Variants in EIF2B3 observed in about 807,000 individuals in gnomAD.
EIF2B3 encodes eukaryotic translation initiation factor 2B subunit gamma.
EIF2B3 carries 20 observed loss-of-function variants against 54.1 expected under a neutral mutation model. The observed-to-expected ratio is 0.37, with a 90% CI of 0.26 to 0.54. EIF2B3 has a LOEUF of 0.54. Ranked by LOEUF, EIF2B3 falls within the 20% of genes least tolerant of loss-of-function variation. EIF2B3 has a pLI of 0.86. For synonymous variants in EIF2B3, 153 were observed against 188.1 expected, an observed-to-expected ratio of 0.81 and a Z score of 1.52; for missense variants, 448 against 547.8, an observed-to-expected ratio of 0.82 and a Z score of 1.82.
At chr1:44,942,602 A>G (rs930331483) in intron 3 of EIF2B3, among the ~76,000 whole-genome samples, 1 of 145,458 alleles carries the variant, frequency 6.9e-6, no homozygotes, top group African/African-American at 2.5e-5. Flanking sequence ...TAATTTTTAC[A>G]TTTTTTGTAG....
chr1:44,951,954 A>ATTTTTTTTTTTTTTTTTTTTTTTTT lies in EIF2B3; in HGVS notation c.295-10314_295-10290dup, dbSNP rs1171020644. Reference sequence around the variant, plus strand: ...AGGGGCGCACCACCATGCCTGGCTAATTTTTTTTTTTTTTTTTTTTTTTTT... The same window carrying ATTTTTTTTTTTTTTTTTTTTTTTTT: ...AGGGGCGCACCACCATGCCTGGCTAATTTTTTTTTTTTTTTTTTTTTTTTTTTTTTTTTTTTTTTTTTTTTTTTTT... On this transcript the variant is annotated intron_variant, in intron 3 of 11. Coordinates refer to ENST00000360403, the MANE Select transcript of EIF2B3 (RefSeq NM_020365.5). 6.7e-5 allele frequency among the ~76,000 whole-genome samples: 3 copies of ATTTTTTTTTTTTTTTTTTTTTTTTT among 44,652 alleles called. 1 individual carries two copies. Among genetic ancestry groups the ATTTTTTTTTTTTTTTTTTTTTTTTT allele is most frequent in the Non-Finnish European group, 1.1e-4 (3 of 27,888 alleles). The allele number at this position is 44,652 out of a possible 152,430, so 29.3% of individuals were successfully genotyped here.
intron 4 of EIF2B3, among the ~76,000 whole-genome samples, chr1:44,933,196 G>C (rs746629505): frequency 7.2e-5 from 11 of 151,832 alleles, no homozygotes; most frequent in Non-Finnish European, 1.2e-4. Context: ...ACAATCTTTA[G>C]GAAAACAAAA....
At chr1:44,940,031 T>C (rs947694982) in intron 4 of EIF2B3, among the ~76,000 whole-genome samples, 1 of 152,100 alleles carries the variant, frequency 6.6e-6, no homozygotes, top group Non-Finnish European at 1.5e-5. Flanking sequence ...ATAACAATAA[T>C]GTAGAAAAAG....
chr1:44,961,200 G>C (rs1246194943), intron 3 of EIF2B3, among the ~76,000 whole-genome samples: 1 of 151,398 alleles, frequency 6.6e-6, no homozygotes, highest in Non-Finnish European at 1.5e-5. Flanking sequence ...TCAGCTGGGA[G>C]TGGTGGTGAG....
chr1:44,857,299 G>A (rs1654463137), intron 11 of EIF2B3, among the ~76,000 whole-genome samples: 1 of 152,192 alleles, frequency 6.6e-6, no homozygotes, highest in Non-Finnish European at 1.5e-5. Context: ...GGAGGCTGAG[G>A]TGGGCAGTTC....
At chr1:44,898,656 T>C (rs893158727) in intron 5 of EIF2B3, among the ~76,000 whole-genome samples, 2 of 152,172 alleles carry the variant, frequency 1.3e-5, no homozygotes, top group African/African-American at 4.8e-5. Context: ...TCTGTGTTGC[T>C]TGGCTTCGAC....
chr1:44,915,262 T>G (rs1643599035), intron 5 of EIF2B3, among the ~76,000 whole-genome samples: 1 of 151,558 alleles, frequency 6.6e-6, no homozygotes, highest in Non-Finnish European at 1.5e-5. Flanking sequence ...ATTGTGCCGC[T>G]GCACTCCAGT....
intron 4 of EIF2B3, among the ~76,000 whole-genome samples, chr1:44,931,864 C>T (rs1643899482): frequency 6.6e-6 from 1 of 152,216 alleles, no homozygotes; most frequent in African/African-American, 2.4e-5. Context: ...CGCCTATAAT[C>T]CCAGCACTTT....
At chr1:44,942,088 G>A (rs1396539840) in intron 3 of EIF2B3, among the ~76,000 whole-genome samples, 1 of 151,828 alleles carries the variant, frequency 6.6e-6, no homozygotes, top group African/African-American at 2.4e-5. Flanking sequence ...GGAAATAACA[G>A]GATGAACAGA....
At chr1:44,880,090 GT>G in intron 7 of EIF2B3, 82 bp from the exon 8 acceptor site, 1 of 1,480,450 alleles carries the variant, frequency 6.8e-7, no homozygotes, top group Non-Finnish European at 9.3e-7. Flanking sequence ...TTGTTTTTTT[GT>G]TTATTTAAGA....
At chr1:44,899,029 T>G (rs530660124) in intron 5 of EIF2B3, among the ~76,000 whole-genome samples, 1 of 152,150 alleles carries the variant, frequency 6.6e-6, no homozygotes, top group African/African-American at 2.4e-5. Context: ...CCATGTTGCC[T>G]AGGCTAATCT....
chr1:44,875,459 G>T (rs1164461736), intron 9 of EIF2B3, among the ~76,000 whole-genome samples, 159 bp downstream of exon 9: 1 of 152,206 alleles, frequency 6.6e-6, no homozygotes, highest in Non-Finnish European at 1.5e-5. Context: ...TACTTGCCCA[G>T]GCAGTCTTGT....
chr1:44,866,365 TC>T (rs1481449930), intron 10 of EIF2B3, among the ~76,000 whole-genome samples: 1 of 149,172 alleles, frequency 6.7e-6, no homozygotes, highest in Non-Finnish European at 1.5e-5. Flanking sequence ...GCCATTGCAC[TC>T]CAGCCGGGGT....
chr1:44,866,891 G>A (rs969431930), intron 10 of EIF2B3, among the ~76,000 whole-genome samples: 1 of 152,156 alleles, frequency 6.6e-6, no homozygotes, highest in African/African-American at 2.4e-5. Flanking sequence ...TGGAAGAGTT[G>A]GAATATGCAT....
intron 11 of EIF2B3, among the ~76,000 whole-genome samples, chr1:44,853,320 G>A (rs1654336605): frequency 6.6e-6 from 1 of 152,016 alleles, no homozygotes; most frequent in Non-Finnish European, 1.5e-5. Context: ...GGCACAACAA[G>A]CAGAACTAGG....
intron 1 of EIF2B3, among the ~76,000 whole-genome samples, chr1:44,985,011 T>C (rs2148968099): frequency 6.6e-6 from 1 of 151,160 alleles, no homozygotes. Context: ...TTTCACCTTG[T>C]TAGCCAGGAT....
intron 5 of EIF2B3, among the ~76,000 whole-genome samples, chr1:44,907,070 A>C (rs1387256514): frequency 6.6e-6 from 1 of 152,074 alleles, no homozygotes; most frequent in Non-Finnish European, 1.5e-5. Flanking sequence ...ATCCTTCTCT[A>C]ACTTATCTAC....
intron 6 of EIF2B3, among the ~76,000 whole-genome samples, chr1:44,891,759 C>G (rs1197812753): frequency 6.6e-6 from 1 of 152,140 alleles, no homozygotes; most frequent in South Asian, 2.1e-4. Context: ...GGCTTCTATG[C>G]TCTCACAGTA....
chr1:44,852,398 T>G (rs12738360), intron 11 of EIF2B3, among the ~76,000 whole-genome samples: 27,618 of 152,176 alleles, frequency 0.18, 2,759 homozygotes, highest in Admixed American at 0.28. Context: ...CCTTTTGCAC[T>G]GTCCATTTCC....
Sources: gnomAD v4.1 joint callset for allele counts (sites outside exome capture counted in the v4.1 genomes callset) on GRCh38, gnomAD v4.1.1 for gene constraint, MANE v1.5 for transcripts, NCBI Gene and HGNC (gene_info 2026-07-23, HGNC 2026-07-21) for gene names.